Variants in RFX4 observed in about 807,000 individuals in gnomAD.
RFX4 encodes regulatory factor X4, also known as transcription factor RFX4.
Under a neutral mutation model 95.0 loss-of-function variants are expected in RFX4, and 10 were observed. That is an observed-to-expected ratio of 0.11 (90% CI 0.06 to 0.18). The LOEUF is 0.18. Among genes scored for constraint, RFX4 ranks in the 10% least tolerant of loss-of-function variants. The pLI is 1.00. For missense variants in RFX4, 640 were observed against 922.0 expected (o/e 0.69, Z 3.96); for synonymous variants, 321 against 340.7 (o/e 0.94, Z 0.64).
chr12:106,631,951 A>G (rs1225315817), intron 2 of RFX4, among the ~76,000 whole-genome samples: 1 of 152,208 alleles, frequency 6.6e-6, no homozygotes, highest in East Asian at 1.9e-4. Context: ...GAACACTTAG[A>G]TAGCAAGTCC....
chr12:106,757,174 T>C (rs974280905), intron 17 of RFX4, among the ~76,000 whole-genome samples: 1 of 152,228 alleles, frequency 6.6e-6, no homozygotes, highest in African/African-American at 2.4e-5. Flanking sequence ...CTAACACTTT[T>C]TGAAAACTTA....
intron 2 of RFX4, among the ~76,000 whole-genome samples, chr12:106,636,878 A>G (rs1411473317): frequency 6.6e-6 from 1 of 152,158 alleles, no homozygotes; most frequent in Non-Finnish European, 1.5e-5. Flanking sequence ...CTGCCTTCCT[A>G]GGTGTTGACT....
At chr12:106,741,769 T>G (rs1013695799) in intron 15 of RFX4, among the ~76,000 whole-genome samples, 4 of 152,134 alleles carry the variant, frequency 2.6e-5, no homozygotes, top group African/African-American at 9.7e-5. Flanking sequence ...GGGACCGGTT[T>G]TGTGGAAGAC....
intron 15 of RFX4, among the ~76,000 whole-genome samples, chr12:106,733,751 T>C (rs1055003159): frequency 1.3e-5 from 2 of 152,154 alleles, no homozygotes; most frequent in Non-Finnish European, 2.9e-5. Flanking sequence ...TGAGACTGTG[T>C]GGAGGCCCAC....
At chr12:106,724,028 G>A (rs1031351378) in intron 13 of RFX4, among the ~76,000 whole-genome samples, 3 of 152,126 alleles carry the variant, frequency 2.0e-5, no homozygotes, top group Admixed American at 6.6e-5. Context: ...TGTATTGAGG[G>A]CCGAATATAC....
chr12:106,646,378 C>T (rs11113068), intron 3 of RFX4, among the ~76,000 whole-genome samples: 10,675 of 132,580 alleles, frequency 0.081, 891 homozygotes, highest in African/African-American at 0.23. Flanking sequence ...AAGAAGCATT[C>T]GGAACCAAAT....
chr12:106,585,364 C>A (rs910233965), intron 1 of RFX4, among the ~76,000 whole-genome samples: 7 of 152,230 alleles, frequency 4.6e-5, no homozygotes, highest in Non-Finnish European at 1.0e-4. Flanking sequence ...GAAATGAAAT[C>A]CTTTCCCCAT....
intron 4 of RFX4, among the ~76,000 whole-genome samples, chr12:106,661,122 C>A (rs935886349): frequency 9.9e-5 from 15 of 152,148 alleles, no homozygotes; most frequent in Non-Finnish European, 2.1e-4. Context: ...GATCTTTCAC[C>A]CTTACTCACC....
At chr12:106,752,396 G>C (rs1320358859) in intron 17 of RFX4, among the ~76,000 whole-genome samples, 1 of 152,096 alleles carries the variant, frequency 6.6e-6, no homozygotes, top group Non-Finnish European at 1.5e-5. Context: ...CACAGTGGGT[G>C]CTCGGCCAGT....
intron 6 of RFX4, among the ~76,000 whole-genome samples, chr12:106,687,549 CA>C (rs34562413): frequency 0.19 from 14,175 of 73,804 alleles, 1,674 homozygotes; most frequent in African/African-American, 0.43. Flanking sequence ...AACTCCATCT[CA>C]AAAAAAAAAA....
chr12:106,602,581 C>T (rs1456337098), intron 1 of RFX4, among the ~76,000 whole-genome samples: 2 of 152,208 alleles, frequency 1.3e-5, no homozygotes, highest in Non-Finnish European at 2.9e-5. Flanking sequence ...CCGTCAGTCA[C>T]TCTGCATCAG....
chr12:106,593,182 T>C (rs1441300951), intron 1 of RFX4, among the ~76,000 whole-genome samples: 1 of 152,182 alleles, frequency 6.6e-6, no homozygotes, highest in Non-Finnish European at 1.5e-5. Context: ...AATGGACACG[T>C]TGGATTTGTA....
intron 4 of RFX4, among the ~76,000 whole-genome samples, chr12:106,660,372 C>A (rs1254940051): frequency 1.3e-5 from 2 of 151,894 alleles, no homozygotes; most frequent in African/African-American, 2.4e-5. Context: ...AGGCACTGAG[C>A]ATCCCCCTCT....
At chr12:106,630,597 C>G (rs1413348823) in intron 2 of RFX4, among the ~76,000 whole-genome samples, 1 of 152,126 alleles carries the variant, frequency 6.6e-6, no homozygotes, top group Non-Finnish European at 1.5e-5. Flanking sequence ...TTGGCAGCCC[C>G]ATGTTCCCAA....
chr12:106,601,415 GC>G lies in RFX4; in HGVS notation c.44-7379del, dbSNP rs1206258597. ...CACCCTCAGGGGGAACTGGGGCCAGGCCCGCCTTGGTAGCTGTGAGTGTGGC... is the reference window on the plus strand; with the variant it reads ...CACCCTCAGGGGGAACTGGGGCCAGGCCGCCTTGGTAGCTGTGAGTGTGGC... On this transcript the variant is annotated intron_variant, in intron 1 of 17. Transcript: ENST00000392842. 3.1e-5 allele frequency: 45 copies of G among 1,473,594 alleles called. No homozygotes were observed. The East Asian group carries it at 5.4e-4, about 18-fold the overall frequency. The allele number at this position is 1,473,594 out of a possible 1,614,324, so 91.3% of individuals were successfully genotyped here. A position where few individuals can be genotyped will look rare whatever the true frequency, so the allele number is the denominator to read the frequency against.
At chr12:106,587,404 G>T (rs937292380) in intron 1 of RFX4, among the ~76,000 whole-genome samples, 1 of 152,192 alleles carries the variant, frequency 6.6e-6, no homozygotes, top group South Asian at 2.1e-4. Flanking sequence ...GGGGGCGGGG[G>T]GACCGGAGGG....
At chr12:106,713,952 C>A (rs1014323664) in intron 10 of RFX4, among the ~76,000 whole-genome samples, 1 of 151,476 alleles carries the variant, frequency 6.6e-6, no homozygotes, top group Non-Finnish European at 1.5e-5. Flanking sequence ...CACCTATAGT[C>A]CCAGCTACTA....
chr12:106,658,841 C>T (rs1025096692), intron 4 of RFX4, among the ~76,000 whole-genome samples: 3 of 152,134 alleles, frequency 2.0e-5, no homozygotes, highest in South Asian at 2.1e-4. Context: ...TTTGGCCCCT[C>T]GGGTAACTGA....
At chr12:106,742,163 C>T (rs1393485947) in intron 15 of RFX4, among the ~76,000 whole-genome samples, 7 of 152,092 alleles carry the variant, frequency 4.6e-5, no homozygotes, top group Non-Finnish European at 8.8e-5. Context: ...CTCAAAGCTT[C>T]AGGTTTTTGT....
Sources: gnomAD v4.1 joint callset for allele counts (sites outside exome capture counted in the v4.1 genomes callset) on GRCh38, gnomAD v4.1.1 for gene constraint, MANE v1.5 for transcripts, NCBI Gene and HGNC (gene_info 2026-07-23, HGNC 2026-07-21) for gene names.